ZNF385D: variants seen among roughly 807,000 people sequenced by gnomAD.
ZNF385D encodes zinc finger protein 385D.
ZNF385D carries 15 observed loss-of-function variants against 35.8 expected under a neutral mutation model. The observed-to-expected ratio is 0.42, with a 90% CI of 0.28 to 0.64. The LOEUF (loss-of-function observed/expected upper bound fraction) is 0.64. Among genes scored for constraint, ZNF385D ranks in the 30% least tolerant of loss-of-function variants. The probability of loss-of-function intolerance (pLI) is 0.23; values close to 1 mark genes in which losing one functional copy is unlikely to be tolerated. For missense variants in ZNF385D, 474 were observed against 494.6 expected (o/e 0.96, Z 0.39); for synonymous variants, 212 against 186.8 (o/e 1.13, Z -1.10).
At chr3:21,846,778 C>A (rs921242970) in intron 3 of ZNF385D, among the ~76,000 whole-genome samples, 1 of 151,904 alleles carries the variant, frequency 6.6e-6, no homozygotes, top group African/African-American at 2.4e-5. Flanking sequence ...CTTAATGGTG[C>A]GCCCAGGAGA....
chr3:21,997,064 A>AT (rs748690048), intron 3 of ZNF385D, among the ~76,000 whole-genome samples: 15 of 151,920 alleles, frequency 9.9e-5, no homozygotes, highest in African/African-American at 2.4e-4. Context: ...AAAAACTGTG[A>AT]TTTTTTTTCA....
intron 3 of ZNF385D, among the ~76,000 whole-genome samples, chr3:21,878,643 T>A (rs986256731): frequency 2.0e-5 from 3 of 152,076 alleles, no homozygotes; most frequent in Non-Finnish European, 4.4e-5. Flanking sequence ...AACAGCACTG[T>A]AATGAAACAT....
At chr3:22,214,005 G>A (rs996597272) in intron 2 of ZNF385D, among the ~76,000 whole-genome samples, 1 of 151,988 alleles carries the variant, frequency 6.6e-6, no homozygotes, top group Non-Finnish European at 1.5e-5. Flanking sequence ...CCATAGGTTG[G>A]ACAGTTCTGT....
At chr3:21,568,969 A>T (rs1274542834) in intron 2 of ZNF385D, among the ~76,000 whole-genome samples, 1 of 152,198 alleles carries the variant, frequency 6.6e-6, no homozygotes, top group Non-Finnish European at 1.5e-5. Context: ...CAGTTTCTAA[A>T]TTGTGATATT....
At chr3:21,502,407 C>T (rs757849815) in intron 4 of ZNF385D, among the ~76,000 whole-genome samples, 8 of 152,130 alleles carry the variant, frequency 5.3e-5, no homozygotes, top group Non-Finnish European at 1.2e-4. Flanking sequence ...AAAGTTTTCC[C>T]TCCCTGCAGG....
chr3:21,743,744 A>G (rs143384583), intron 1 of ZNF385D, among the ~76,000 whole-genome samples: 2,197 of 152,320 alleles, frequency 0.014, 57 homozygotes, highest in African/African-American at 0.05. Flanking sequence ...TAGGGCTTCA[A>G]TTTATACGTT....
intron 3 of ZNF385D, among the ~76,000 whole-genome samples, chr3:22,159,383 A>C (rs1381682021): frequency 2.0e-5 from 3 of 152,058 alleles, no homozygotes; most frequent in Non-Finnish European, 4.4e-5. Flanking sequence ...AATGGTCATG[A>C]AAAACTAGAG....
At chr3:22,148,195 C>T (rs1704985123) in intron 3 of ZNF385D, among the ~76,000 whole-genome samples, 1 of 152,078 alleles carries the variant, frequency 6.6e-6, no homozygotes, top group African/African-American at 2.4e-5. Flanking sequence ...GTAAATTTGT[C>T]TTTAGCCATG....
chr3:22,177,334 AG>A (rs1380867418), intron 2 of ZNF385D, among the ~76,000 whole-genome samples: 1 of 152,212 alleles, frequency 6.6e-6, no homozygotes, highest in Non-Finnish European at 1.5e-5. Context: ...GGTTTGCCCC[AG>A]AAAAATTTCT....
intron 3 of ZNF385D, among the ~76,000 whole-genome samples, chr3:22,150,156 A>G (rs1415215376): frequency 6.6e-6 from 1 of 152,196 alleles, no homozygotes; most frequent in Non-Finnish European, 1.5e-5. Flanking sequence ...ATAATTAGAA[A>G]AGCTAGACAC....
intron 3 of ZNF385D, among the ~76,000 whole-genome samples, chr3:21,771,543 G>A (rs991677113): frequency 6.6e-6 from 1 of 151,704 alleles, no homozygotes; most frequent in African/African-American, 2.4e-5. Context: ...AACTCTACCA[G>A]ACAAAAACTT....
intron 1 of ZNF385D, among the ~76,000 whole-genome samples, chr3:21,745,943 T>G (rs2069748095): frequency 6.6e-6 from 1 of 152,214 alleles, no homozygotes; most frequent in Non-Finnish European, 1.5e-5. Flanking sequence ...ATTAAGTCAA[T>G]ACTTAATGTA....
chr3:21,977,716 G>T (rs540464238), intron 3 of ZNF385D, among the ~76,000 whole-genome samples: 31 of 151,890 alleles, frequency 2.0e-4, no homozygotes, highest in Non-Finnish European at 3.7e-4. Context: ...GCTGTCTATG[G>T]TCCCAGCTAC....
intron 3 of ZNF385D, among the ~76,000 whole-genome samples, chr3:21,760,864 G>A (rs1052501572): frequency 1.3e-5 from 2 of 152,142 alleles, no homozygotes; most frequent in African/African-American, 4.8e-5. Context: ...TTTAATGTGT[G>A]TGTATTTTAA....
At chr3:21,701,506 A>G (rs906962781) in intron 1 of ZNF385D, among the ~76,000 whole-genome samples, 2 of 152,076 alleles carry the variant, frequency 1.3e-5, no homozygotes, top group Non-Finnish European at 2.9e-5. Flanking sequence ...CAGCAAAATC[A>G]TATCATTCCA....
intron 3 of ZNF385D, among the ~76,000 whole-genome samples, chr3:21,859,184 A>C (rs1303948376): frequency 6.6e-6 from 1 of 152,050 alleles, no homozygotes; most frequent in Non-Finnish European, 1.5e-5. Context: ...TGAAAACCAA[A>C]AAACAGCTCC....
intron 1 of ZNF385D, among the ~76,000 whole-genome samples, chr3:21,719,973 T>C (rs1231731244): frequency 6.6e-6 from 1 of 152,206 alleles, no homozygotes; most frequent in Non-Finnish European, 1.5e-5. Context: ...CCTATATTTT[T>C]TCATTTGAAA....
At chr3:21,993,223 A>G (rs540507902) in intron 3 of ZNF385D, among the ~76,000 whole-genome samples, 2 of 152,310 alleles carry the variant, frequency 1.3e-5, no homozygotes, top group African/African-American at 2.4e-5. Flanking sequence ...TCCTTCTTGC[A>G]TGCAAATTTT....
rs536289284 is a variant in ZNF385D, at chr3:22,193,772, A to T, written c.107-24737T>A. On this transcript the variant is annotated intron_variant, in intron 2 of 5. Transcript: ENST00000494108. ...TACATTGTGTTTCATATGTTTTGGG[A>T]AATTCTAGGGTAAATACCCAAAGCC... Among the ~76,000 whole-genome samples the T allele has an allele frequency of 3.3e-5, 5 of 152,134 alleles. No homozygotes were observed. In the South Asian group the frequency reaches 1.0e-3, roughly 32 times the overall value.
Sources: gnomAD v4.1 joint callset for allele counts (sites outside exome capture counted in the v4.1 genomes callset) on GRCh38, gnomAD v4.1.1 for gene constraint, MANE v1.5 for transcripts, NCBI Gene and HGNC (gene_info 2026-07-23, HGNC 2026-07-21) for gene names.